Variants in RAP1GAP2 observed in about 807,000 individuals in gnomAD.
RAP1GAP2 encodes rap1 GTPase-activating protein 2.
In RAP1GAP2, 27 loss-of-function variants were observed where a neutral mutation model predicts 95.0. That is an observed-to-expected ratio of 0.28 (90% CI 0.21 to 0.39). RAP1GAP2 has a LOEUF of 0.39. RAP1GAP2 is among the 10% of genes least tolerant of loss of function. RAP1GAP2 has a pLI of 1.00. For missense variants in RAP1GAP2, 771 were observed against 970.0 expected (o/e 0.79, Z 2.72); for synonymous variants, 373 against 380.9 (o/e 0.98, Z 0.24).
At chr17:2,778,132 G>T (rs2068550606) in intron 1 of RAP1GAP2, among the ~76,000 whole-genome samples, 1 of 146,968 alleles carries the variant, frequency 6.8e-6, no homozygotes, top group Non-Finnish European at 1.5e-5. Flanking sequence ...GTTGGGGGAG[G>T]CTCTGCCCTC....
intron 3 of RAP1GAP2, among the ~76,000 whole-genome samples, chr17:2,909,025 C>CT (rs2042286819): frequency 6.6e-6 from 1 of 152,158 alleles, no homozygotes; most frequent in African/African-American, 2.4e-5. Context: ...GCTCTAAGCA[C>CT]TGAGTTGGAC....
chr17:2,801,045 T>A (rs2069271051), intron 2 of RAP1GAP2, among the ~76,000 whole-genome samples: 1 of 151,024 alleles, frequency 6.6e-6, no homozygotes, highest in South Asian at 2.1e-4. Context: ...AGACGGAGTT[T>A]CACCATGTTG....
At chr17:2,819,070 A>G (rs9906581) in intron 2 of RAP1GAP2, among the ~76,000 whole-genome samples, 121,001 of 150,814 alleles carry the variant, frequency 0.8, 49,149 homozygotes, top group African/African-American at 0.93. Context: ...CCAGGCTGGA[A>G]TGCAGTGGCG....
rs28594458 is a variant in RAP1GAP2 at position 2,825,483 on chromosome 17, C to T, written c.80+24933C>T. Among the ~76,000 whole-genome samples, 1 of 151,838 alleles carries T rather than the reference C, an allele frequency of 6.6e-6. No homozygotes were observed. Among genetic ancestry groups the T allele is most frequent in the East Asian group, 1.9e-4 (1 of 5,178 alleles). On this transcript the variant is annotated intron_variant, in intron 2 of 24. Transcript: ENST00000254695. This position sits in a 1 kb window ranked among gnomAD's most constrained non-coding sequence, Gnocchi z 4.1. ...GTTTGTTTATCTGATGAATATTCAT[C>T]GAGCTCCTATTTGTAGCCAGCCGCC...
chr17:2,853,299 G>A (rs904666951), intron 2 of RAP1GAP2, among the ~76,000 whole-genome samples: 13 of 152,106 alleles, frequency 8.5e-5, no homozygotes, highest in Non-Finnish European at 1.8e-4. Flanking sequence ...TGGGCGGCCG[G>A]GAGGGGACGG....
At chr17:2,845,335 G>A (rs2071539549) in intron 2 of RAP1GAP2, among the ~76,000 whole-genome samples, 1 of 152,050 alleles carries the variant, frequency 6.6e-6, no homozygotes, top group African/African-American at 2.4e-5. Context: ...TAGAGACGGG[G>A]TTTCACCATA....
chr17:2,824,911 A>T (rs971428251), intron 2 of RAP1GAP2, among the ~76,000 whole-genome samples: 1 of 151,932 alleles, frequency 6.6e-6, no homozygotes, highest in Non-Finnish European at 1.5e-5. Context: ...ACAATGTCCA[A>T]TTTTACCCCA....
chr17:3,014,009 C>T (rs1178146037), intron 17 of RAP1GAP2, among the ~76,000 whole-genome samples: 3 of 152,322 alleles, frequency 2.0e-5, no homozygotes, highest in East Asian at 3.9e-4. Context: ...ACGTGTCACT[C>T]AACGACGGGA....
At chr17:3,031,397 T>TG (rs142272430) in intron 23 of RAP1GAP2, among the ~76,000 whole-genome samples, 3 of 142,916 alleles carry the variant, frequency 2.1e-5, no homozygotes, top group East Asian at 2.1e-4. Flanking sequence ...AGATGTGAGG[T>TG]GGAAGGTGCT....
At chr17:2,781,826 AGGT>A (rs2068665482) in intron 1 of RAP1GAP2, among the ~76,000 whole-genome samples, 3 of 127,616 alleles carry the variant, frequency 2.4e-5, no homozygotes, top group African/African-American at 9.3e-5. Flanking sequence ...CTGTGTGTGC[AGGT>A]CTCTGTGTGG....
intron 1 of RAP1GAP2, among the ~76,000 whole-genome samples, chr17:2,785,730 C>T (rs2068756284): frequency 6.6e-6 from 1 of 152,050 alleles, no homozygotes; most frequent in Non-Finnish European, 1.5e-5. Context: ...ATGCTCCCGG[C>T]CGAATAAAAA....
rs994769964 is a variant in RAP1GAP2 at position 3,035,834 on chromosome 17, T to C, written c.*2473T>C. The C allele has an allele frequency of 6.6e-6, 1 of 152,260 alleles. No homozygotes were observed. The highest frequency in any genetic ancestry group is 1.5e-5 in the Non-Finnish European group (1 of 68,066). 9.4% of individuals were successfully genotyped at this position (152,260 alleles called of 1,614,324 possible). ...CACGCTGTCCCTACATCTGCTCTGA[T>C]CTAAAATGTCTTTCCTTTTATGCTG... On this transcript the variant is annotated 3_prime_UTR_variant, in exon 25 of 25. Coordinates refer to ENST00000254695, the MANE Select transcript of RAP1GAP2 (RefSeq NM_015085.5). The surrounding 1 kb of genome is among the most constrained non-coding windows in gnomAD (Gnocchi z 4.3).
chr17:2,895,868 G>A (rs931443929), intron 2 of RAP1GAP2, among the ~76,000 whole-genome samples: 2 of 152,084 alleles, frequency 1.3e-5, no homozygotes, highest in African/African-American at 2.4e-5. Context: ...GTGAGCCACC[G>A]CGCCCGGCCT....
At chr17:2,926,622 C>A (rs563659064) in intron 3 of RAP1GAP2, among the ~76,000 whole-genome samples, 7 of 152,132 alleles carry the variant, frequency 4.6e-5, no homozygotes, top group Non-Finnish European at 1.0e-4. Flanking sequence ...CAAATACCCA[C>A]ACACTTAGTG....
At chr17:2,762,701 C>T (rs2071278521) in intron 1 of RAP1GAP2, among the ~76,000 whole-genome samples, 1 of 151,544 alleles carries the variant, frequency 6.6e-6, no homozygotes, top group South Asian at 2.1e-4. Flanking sequence ...TGCACCCAGC[C>T]TGGGTTAGGA....
intron 4 of RAP1GAP2, 94 bp downstream of exon 4, chr17:2,957,888 G>A: frequency 1.5e-6 from 2 of 1,301,162 alleles, no homozygotes; most frequent in Non-Finnish European, 2.1e-6. Context: ...GAAGCCGGGT[G>A]CCCTGGACGG....
At position 2,939,896 on chromosome 17, in the gene RAP1GAP2, G is replaced by T. The variant is rs575027156; in HGVS notation, c.166-17863G>T. ...TCAAAGGTCAGCGCTAGTCAGCGTG[G>T]ACTAACAGCTTCGGGCGGACACCCG... On this transcript the variant is annotated intron_variant, in intron 3 of 24. Coordinates refer to ENST00000254695, the MANE Select transcript of RAP1GAP2 (RefSeq NM_015085.5). Among the ~76,000 whole-genome samples the T allele has an allele frequency of 2.0e-5, 3 of 152,380 alleles. No individual in the cohort carries two copies. In the East Asian group the frequency reaches 5.8e-4, roughly 29 times the overall value.
At chr17:2,917,016 G>T (rs915863669) in intron 3 of RAP1GAP2, among the ~76,000 whole-genome samples, 1 of 152,208 alleles carries the variant, frequency 6.6e-6, no homozygotes, top group Non-Finnish European at 1.5e-5. Context: ...GGGAGGAACA[G>T]CTGGCTGGGT....
rs1160613474 is a variant in RAP1GAP2 at position 3,013,336 on chromosome 17, G to C, written c.1495-4725G>C. Among the ~76,000 whole-genome samples the C allele has an allele frequency of 2.6e-5, 4 of 152,194 alleles. No individual in the cohort carries two copies. The East Asian group carries it at 7.7e-4, about 29-fold the overall frequency. On this transcript the variant is annotated intron_variant, in intron 17 of 24. Coordinates refer to ENST00000254695, the MANE Select transcript of RAP1GAP2 (RefSeq NM_015085.5). ...TGCCCCCTCCTTTTCCTCCTGATGGGGAGTTGTGATGTCAGGATGGCCCCG... is the reference window on the plus strand; with the variant it reads ...TGCCCCCTCCTTTTCCTCCTGATGGCGAGTTGTGATGTCAGGATGGCCCCG...
Sources: gnomAD v4.1 joint callset for allele counts (sites outside exome capture counted in the v4.1 genomes callset) on GRCh38, gnomAD v4.1.1 for gene constraint, Gnocchi (gnomAD v3.1) non-coding constraint, MANE v1.5 for transcripts, NCBI Gene and HGNC (gene_info 2026-07-23, HGNC 2026-07-21) for gene names.